The following PRKAB2 variants were observed in gnomAD, a reference collection of about 807,000 sequenced individuals.
PRKAB2 encodes the protein protein kinase AMP-activated non-catalytic subunit beta 2.
PRKAB2 carries 18 observed loss-of-function variants against 29.8 expected under a neutral mutation model. That is an observed-to-expected ratio of 0.60 (90% CI 0.42 to 0.89). The LOEUF (loss-of-function observed/expected upper bound fraction) is 0.89. PRKAB2 is among the 40% of genes least tolerant of loss of function. The probability of loss-of-function intolerance (pLI) is 0.00; values close to 1 mark genes in which losing one functional copy is unlikely to be tolerated. For synonymous variants in PRKAB2, 136 were observed against 125.9 expected (o/e 1.08, Z -0.54); for missense variants, 270 against 344.3 (o/e 0.78, Z 1.71).
intron 5 of PRKAB2, 114 bp downstream of exon 5, chr1:147,166,383 TC>T: frequency 6.9e-6 from 8 of 1,156,278 alleles, no homozygotes; most frequent in East Asian, 5.1e-5. Flanking sequence ...CTCTCTCTCC[TC>T]CCCCCAACCC....
At chr1:147,168,841 C>T (rs1553913995) in intron 2 of PRKAB2, among the ~76,000 whole-genome samples, 2 of 152,152 alleles carry the variant, frequency 1.3e-5, no homozygotes, top group Non-Finnish European at 2.9e-5. Flanking sequence ...GCTCTGTCAC[C>T]CAGGCTGGAA....
chr1:147,162,725 CA>C, intron 5 of PRKAB2, 152 bp from the exon 6 acceptor site: 1 of 787,414 alleles, frequency 1.3e-6, no homozygotes, highest in Admixed American at 3.3e-5. Flanking sequence ...GTAAGGTAAC[CA>C]GAGGAAAAAT....
rs1553912821 is a variant in PRKAB2 at position 147,159,556 on chromosome 1, G to C, written c.*9C>G. On this transcript the variant is annotated 3_prime_UTR_variant, in exon 8 of 8. Coordinates refer to ENST00000254101, the MANE Select transcript of PRKAB2 (RefSeq NM_005399.5). ...TCTCCTGAATCCTTAGAGGCAAGAA[G>C]GGATCCCTTCAAATGGGCTTGTATA... 1 of 1,610,460 alleles carries C rather than the reference G, an allele frequency of 6.2e-7. No homozygotes were observed. Among genetic ancestry groups the C allele is most frequent in the South Asian group, 1.1e-5 (1 of 90,928 alleles).
chr1:147,166,652 C>T lies in PRKAB2; in HGVS notation c.418-34G>A, dbSNP rs1553913741. 6 of 1,606,756 alleles carry T rather than the reference C, an allele frequency of 3.7e-6. No individual in the cohort carries two copies. The South Asian group carries it at 6.7e-5, about 18-fold the overall frequency. On this transcript the variant is annotated intron_variant, in intron 4 of 7. Transcript: ENST00000254101. ...GTGAATAGAAAAAATTATTGAATCTCTCTTTCAAATCCATCTCTTCCATCC... is the reference window on the plus strand; with the variant it reads ...GTGAATAGAAAAAATTATTGAATCTTTCTTTCAAATCCATCTCTTCCATCC...
chr1:147,167,997 C>T (rs1413469745), intron 2 of PRKAB2, 64 bp from the exon 3 acceptor site: 30 of 1,523,810 alleles, frequency 2.0e-5, no homozygotes, highest in Non-Finnish European at 4.4e-6. Context: ...AAAGGTCACT[C>T]TCCTCCCTAG....
chr1:147,162,978 G>A (rs1036246058), intron 5 of PRKAB2, among the ~76,000 whole-genome samples: 4 of 152,142 alleles, frequency 2.6e-5, no homozygotes, highest in African/African-American at 7.2e-5. Context: ...AAGATGCCTT[G>A]TAACTTTCAA....
At chr1:147,165,539 A>G (rs587769995) in intron 5 of PRKAB2, among the ~76,000 whole-genome samples, 1 of 152,286 alleles carries the variant, frequency 6.6e-6, no homozygotes, top group Admixed American at 6.5e-5. Flanking sequence ...ACAGGAGAGA[A>G]GTGTGCTCAC....
At chr1:147,161,557 C>T (rs1274096178) in intron 7 of PRKAB2, 155 bp downstream of exon 7, 1 of 643,296 alleles carries the variant, frequency 1.6e-6, no homozygotes, top group Non-Finnish European at 2.6e-6. Context: ...AACAAACAAC[C>T]TAGTAGTTAA....
rs782725755 is a variant in PRKAB2, at chr1:147,166,499, T to C, written c.537A>G (p.Arg179=). 9 of 1,611,986 alleles carry C rather than the reference T, an allele frequency of 5.6e-6. No individual in the cohort carries two copies. The highest frequency in any genetic ancestry group is 6.8e-6 in the Non-Finnish European group (8 of 1,179,290). Residue 179 remains arginine (R), a splice_region_variant and synonymous_variant, in exon 5 of 8, where the codon AGA becomes AGG. Coordinates refer to ENST00000254101, the MANE Select transcript of PRKAB2 (RefSeq NM_005399.5). ...AGAGAGTAAATAATACAAAATTACC[T>C]CTACAAGATGTCTCAGAACTTTCCA... The part of the protein sequence containing the change: ...DSMESSETSC[R]DLSSSPPGPY...
Position 147,172,459 on chromosome 1 carries a change from C to T in PRKAB2, c.-54G>A, listed in dbSNP as rs1297414258. On this transcript the variant is annotated 5_prime_UTR_variant, in exon 1 of 8. Coordinates refer to ENST00000254101, the MANE Select transcript of PRKAB2 (RefSeq NM_005399.5). The stretch of plus-strand genomic sequence containing the variant: ...GCGATGCGCTCCCTCCTCCAAGGGC[C>T]ACTGATGTGATGGCTGTTCTGCAGA... 6 of 453,438 alleles carry T rather than the reference C, an allele frequency of 1.3e-5. No individual in the cohort carries two copies. The Admixed American group carries it at 2.4e-4, about 18-fold the overall frequency. The allele number at this position is 453,438 out of a possible 1,614,324, so 28.1% of individuals were successfully genotyped here.
chr1:147,162,845 C>T (rs1654039582), intron 5 of PRKAB2, among the ~76,000 whole-genome samples: 2 of 152,168 alleles, frequency 1.3e-5, no homozygotes, highest in African/African-American at 4.8e-5. Context: ...AGAGCTACTA[C>T]ATGTATCAGC....
At position 147,157,445 on chromosome 1, in the gene PRKAB2, G is replaced by A. The variant is rs1450983092; in HGVS notation, c.*2120C>T. 6.6e-6 allele frequency: 1 copy of A among 152,094 alleles called. No individual in the cohort carries two copies. Among genetic ancestry groups the A allele is most frequent in the East Asian group, 1.9e-4 (1 of 5,192 alleles). 9.4% of individuals were successfully genotyped at this position (152,094 alleles called of 1,614,324 possible). On this transcript the variant is annotated 3_prime_UTR_variant, in exon 8 of 8. Coordinates refer to ENST00000254101, the MANE Select transcript of PRKAB2 (RefSeq NM_005399.5). Reference sequence around the variant, plus strand: ...AAGATCACTAGCATCAAAACCTACTGTCACAGGGGGCTGACGCATTTCACA... The same window carrying A: ...AAGATCACTAGCATCAAAACCTACTATCACAGGGGGCTGACGCATTTCACA...
rs1653847541 is a variant in PRKAB2, at chr1:147,159,583, C to A, written c.801G>T (p.Leu267=). 3 of 1,613,346 alleles carry A rather than the reference C, an allele frequency of 1.9e-6. No homozygotes were observed. The highest frequency in any genetic ancestry group is 2.5e-6 in the Non-Finnish European group (3 of 1,179,616). Residue 267 remains leucine (L), a synonymous_variant, in exon 8 of 8, where the codon CTG becomes CTT. Transcript: ENST00000254101. ...HRYKKKYVTT[L]LYKPI ...GATCCCTTCAAATGGGCTTGTATAG[C>A]AGAGTAGTAACATACTTCTTCTTGT...
At chr1:147,163,758 T>C (rs1654091368) in intron 5 of PRKAB2, among the ~76,000 whole-genome samples, 1 of 152,078 alleles carries the variant, frequency 6.6e-6, no homozygotes, top group African/African-American at 2.4e-5. Flanking sequence ...TGCTCTGGAA[T>C]TAGATAGTTG....
intron 5 of PRKAB2, among the ~76,000 whole-genome samples, chr1:147,166,083 G>A (rs1436318228): frequency 1.3e-5 from 2 of 152,060 alleles, no homozygotes; most frequent in Admixed American, 6.5e-5. Context: ...GCTAACTGAG[G>A]TCTCAAACTG....
chr1:147,171,550 A>G (rs1219772304), intron 2 of PRKAB2, among the ~76,000 whole-genome samples: 2 of 152,198 alleles, frequency 1.3e-5, no homozygotes, highest in Non-Finnish European at 2.9e-5. Context: ...TGATACATAG[A>G]AATTTTCAGA....
At chr1:147,171,935 C>G in intron 2 of PRKAB2, 54 bp downstream of exon 2, 1 of 1,564,494 alleles carries the variant, frequency 6.4e-7, no homozygotes, top group South Asian at 1.2e-5. Context: ...GAAGAGGAGC[C>G]CAGAAATCAA....
intron 5 of PRKAB2, among the ~76,000 whole-genome samples, chr1:147,165,111 C>T (rs899496786): frequency 2.6e-5 from 4 of 152,220 alleles, no homozygotes; most frequent in African/African-American, 4.8e-5. Context: ...CTGCAAGCTC[C>T]GCCTCCCGGG....
In PRKAB2 at chr1:147,159,529, C is replaced by G; in HGVS notation, c.*36G>C. The G allele has an allele frequency of 6.3e-7, 1 of 1,575,108 alleles. No homozygotes were observed. On this transcript the variant is annotated 3_prime_UTR_variant, in exon 8 of 8. Coordinates refer to ENST00000254101, the MANE Select transcript of PRKAB2 (RefSeq NM_005399.5). ...TCAGTCCAGAAATGCAAGGGAGATG[C>G]TTCTCCTGAATCCTTAGAGGCAAGA...
Sources: allele counts gnomAD v4.1 joint callset (sites outside exome capture counted in the v4.1 genomes callset), GRCh38; gene constraint gnomAD v4.1.1; transcripts MANE v1.5; gene names NCBI Gene and HGNC (gene_info 2026-07-23, HGNC 2026-07-21).